SLIT2: variants seen among roughly 807,000 people sequenced by gnomAD.
SLIT2 encodes slit guidance ligand 2.
SLIT2 carries 41 observed loss-of-function variants against 185.7 expected under a neutral mutation model. That is an observed-to-expected ratio of 0.22 (90% confidence interval 0.17 to 0.29). The LOEUF (loss-of-function observed/expected upper bound fraction) is 0.29, where lower values mean the gene tolerates loss of function less well. Among genes scored for constraint, SLIT2 ranks in the 10% least tolerant of loss-of-function variants. SLIT2 has a pLI of 1.00. For missense variants in SLIT2, 1,571 were observed against 1,909.0 expected, an observed-to-expected ratio of 0.82 and a Z score of 3.30; for synonymous variants, 693 against 680.2, an observed-to-expected ratio of 1.02 and a Z score of -0.29.
Position 20,326,860 on chromosome 4 carries a change from CCA to C in SLIT2, c.395+57982_395+57983del, listed in dbSNP as rs1265192800. 4.7e-5 allele frequency among the ~76,000 whole-genome samples: 7 copies of C among 148,034 alleles called. No individual in the cohort carries two copies. The Admixed American group carries it at 4.8e-4, about 10-fold the overall frequency. ...TTTTCCTTTTTTTATTTTCCCCAAACCACAGAGTTTAATGTGCTCATTAAATA... is the reference window on the plus strand; with the variant it reads ...TTTTCCTTTTTTTATTTTCCCCAAACCAGAGTTTAATGTGCTCATTAAATA... On this transcript the variant is annotated intron_variant, in intron 4 of 36. Coordinates refer to ENST00000504154, the MANE Select transcript of SLIT2 (RefSeq NM_004787.4).
intron 28 of SLIT2, among the ~76,000 whole-genome samples, chr4:20,567,820 A>T (rs553010180): frequency 6.6e-6 from 1 of 152,110 alleles, no homozygotes; most frequent in African/African-American, 2.4e-5. Flanking sequence ...GGATGCTACA[A>T]AACCAAAACT....
chr4:20,486,121 C>T (rs1023899127), intron 6 of SLIT2, 79 bp from the exon 7 acceptor site: 69 of 848,148 alleles, frequency 8.1e-5, no homozygotes, highest in Non-Finnish European at 1.2e-4. Flanking sequence ...TAGTACAAGA[C>T]GTTTTCTCTA....
At chr4:20,442,637 A>G (rs749211800) in intron 4 of SLIT2, among the ~76,000 whole-genome samples, 7 of 152,082 alleles carry the variant, frequency 4.6e-5, no homozygotes, top group Non-Finnish European at 1.0e-4. Context: ...CTTTGAAAGC[A>G]GCATAGGAAT....
In SLIT2 at chr4:20,567,551, A is replaced by T. The variant is rs778297995; in HGVS notation, c.2884A>T (p.Ile962Phe). The T allele has an allele frequency of 6.2e-7, 1 of 1,613,460 alleles. No homozygotes were observed. Among genetic ancestry groups the T allele is most frequent in the Non-Finnish European group, 8.5e-7 (1 of 1,179,556 alleles). Residue 962 changes from isoleucine (I) to phenylalanine (F), a missense_variant, in exon 28 of 37, where the codon ATC becomes TTC. Ile to Phe is a conservative substitution (Grantham distance 21). This residue lies in a region of SLIT2 where 1,202 missense variants were observed against 1,416.4 expected (regional missense o/e 0.85). Transcript: ENST00000504154. ...QDCDVPIHAC[I>F]SNPCKHGGTC... ...CTGTGATGTCCCAATTCATGCCTGC[A>T]TCAGTAACCCATGTAAACATGGAGG...
At chr4:20,518,520 G>A (rs767902367) in intron 11 of SLIT2, among the ~76,000 whole-genome samples, 148 of 112,256 alleles carry the variant, frequency 1.3e-3, no homozygotes, top group Non-Finnish European at 2.3e-3. Context: ...CCAAAGTGCT[G>A]GGATTACAGG....
rs79022966 is a variant in SLIT2, at chr4:20,551,317, A to C, written c.2561+419A>C. Among the ~76,000 whole-genome samples, 342 of 152,306 alleles carry C rather than the reference A, an allele frequency of 2.2e-3. 2 individuals carry two copies. The highest frequency in any genetic ancestry group is 7.8e-3 in the African/African-American group (326 of 41,572). Reference sequence around the variant, plus strand: ...TTGCTCAAAGTGGATTTACTTATTCAGCATCAACTGTGGCACCACACAAAA... The same window carrying C: ...TTGCTCAAAGTGGATTTACTTATTCCGCATCAACTGTGGCACCACACAAAA... On this transcript the variant is annotated intron_variant, in intron 25 of 36. Transcript: ENST00000504154.
At chr4:20,428,751 T>G (rs1209183377) in intron 4 of SLIT2, among the ~76,000 whole-genome samples, 1 of 152,150 alleles carries the variant, frequency 6.6e-6, no homozygotes, top group Non-Finnish European at 1.5e-5. Flanking sequence ...TTTTTTCCAT[T>G]AAACAAGGGC....
chr4:20,490,241 A>G (rs1717660998), intron 8 of SLIT2, among the ~76,000 whole-genome samples: 1 of 152,222 alleles, frequency 6.6e-6, no homozygotes, highest in Admixed American at 6.5e-5. Flanking sequence ...CACCTCCCTT[A>G]TAACAACTGT....
rs56256520 is a variant in SLIT2, at chr4:20,463,448, GATATATATATATATATATATATATATAT to G, written c.396-4287_396-4260del. Among the ~76,000 whole-genome samples the G allele has an allele frequency of 1.1e-3, 76 of 67,324 alleles. 1 individual carries two copies. The East Asian group carries it at 0.014, about 12-fold the overall frequency. 44.2% of individuals were successfully genotyped at this position (67,324 alleles called of 152,430 possible). A position where few individuals can be genotyped will look rare whatever the true frequency, so the allele number is the denominator to read the frequency against. On this transcript the variant is annotated intron_variant, in intron 4 of 36. Transcript: ENST00000504154. ...ACTATCTTCATTGACCTCAAACTGTGATATATATATATATATATATATATATATATATATATATATATATGTGTGTGTG... is the reference window on the plus strand; with the variant it reads ...ACTATCTTCATTGACCTCAAACTGTGATATATATATATATATGTGTGTGTG...
rs1249005899 is a variant in SLIT2, at chr4:20,596,593, A to G, written c.3499A>G (p.Lys1167Glu). 1 of 1,613,918 alleles carries G rather than the reference A, an allele frequency of 6.2e-7. No homozygotes were observed. Among genetic ancestry groups the G allele is most frequent in the African/African-American group, 1.3e-5 (1 of 74,936 alleles). The change falls in exon 32 of 37, where the codon AAA becomes GAA. Residue 1167 changes from lysine (K) to glutamate (E), a missense_variant. Coordinates refer to ENST00000504154, the MANE Select transcript of SLIT2 (RefSeq NM_004787.4). ...ATTGGTTAGTGTGAATTTTATAAAC[A>G]AAGAGTCTTATCTTCAGATTCCTTC... ...EKLVSVNFIN[K>E]ESYLQIPSAK... is the part of the protein sequence containing the mutation.
intron 29 of SLIT2, among the ~76,000 whole-genome samples, chr4:20,570,115 C>G (rs1279849103): frequency 6.6e-6 from 1 of 151,990 alleles, no homozygotes; most frequent in Non-Finnish European, 1.5e-5. Context: ...ACTCTGAAGG[C>G]TGCCTTTTCT....
intron 4 of SLIT2, among the ~76,000 whole-genome samples, chr4:20,343,007 C>A (rs1291506058): frequency 6.6e-6 from 1 of 151,414 alleles, no homozygotes; most frequent in African/African-American, 2.4e-5. Flanking sequence ...AATTTTGTTA[C>A]ATGCATAGAA....
intron 4 of SLIT2, among the ~76,000 whole-genome samples, chr4:20,330,968 G>T (rs1720015822): frequency 6.6e-6 from 1 of 152,074 alleles, no homozygotes. Context: ...TTCAAAGTAA[G>T]CCTGTAAGAA....
At chr4:20,338,347 C>A (rs540275467) in intron 4 of SLIT2, among the ~76,000 whole-genome samples, 77 of 152,192 alleles carry the variant, frequency 5.1e-4, no homozygotes, top group African/African-American at 1.5e-3. Flanking sequence ...TTTGATGGCA[C>A]AATTATTTTC....
At chr4:20,400,650 T>C (rs1726274215) in intron 4 of SLIT2, among the ~76,000 whole-genome samples, 1 of 151,328 alleles carries the variant, frequency 6.6e-6, no homozygotes, top group South Asian at 2.1e-4. Flanking sequence ...TAGAACTGGA[T>C]TGAGTTATGG....
chr4:20,618,450 C>T (rs1729847454), intron 36 of SLIT2, among the ~76,000 whole-genome samples: 1 of 152,122 alleles, frequency 6.6e-6, no homozygotes, highest in Admixed American at 6.5e-5. Flanking sequence ...ACAAAACCAG[C>T]TGTTAGTAGT....
Position 20,542,478 on chromosome 4 carries a change from T to C in SLIT2, c.2144-16T>C, listed in dbSNP as rs1465516428. The stretch of plus-strand genomic sequence containing the variant: ...ACCACAAATCTTGGTTTTCCTGTAT[T>C]TCCTCTGCGATTTAGGAAATGATGA... On this transcript the variant is annotated splice_polypyrimidine_tract_variant and intron_variant, in intron 20 of 36. Transcript: ENST00000504154. 2 of 1,612,694 alleles carry C rather than the reference T, an allele frequency of 1.2e-6. No individual in the cohort carries two copies. Among genetic ancestry groups the C allele is most frequent in the Non-Finnish European group, 1.7e-6 (2 of 1,179,258 alleles).
intron 29 of SLIT2, among the ~76,000 whole-genome samples, chr4:20,589,222 T>A (rs1208109504): frequency 6.6e-6 from 1 of 152,138 alleles, no homozygotes; most frequent in East Asian, 1.9e-4. Flanking sequence ...ACATGGTGTG[T>A]TTCTAGATGT....
intron 12 of SLIT2, among the ~76,000 whole-genome samples, chr4:20,522,775 CT>C (rs1186220926): frequency 5.9e-5 from 9 of 152,078 alleles, no homozygotes; most frequent in African/African-American, 2.2e-4. Context: ...TACCATGTGA[CT>C]CTCCAAGAGG....
Sources: gnomAD v4.1 joint callset for allele counts (sites outside exome capture counted in the v4.1 genomes callset) on GRCh38, gnomAD v4.1.1 for gene constraint, gnomAD v4.1.1 regional missense constraint, MANE v1.5 for transcripts, NCBI Gene and HGNC (gene_info 2026-07-23, HGNC 2026-07-21) for gene names.